RPS6KA2: variants seen among roughly 807,000 people sequenced by gnomAD.
RPS6KA2 encodes ribosomal protein S6 kinase A2.
In RPS6KA2, 42 loss-of-function variants were observed where a neutral mutation model predicts 91.8. The observed-to-expected ratio is 0.46, with a 90% CI of 0.36 to 0.59. RPS6KA2 has a LOEUF of 0.59. Ranked by LOEUF, RPS6KA2 falls within the 20% of genes least tolerant of loss-of-function variation. RPS6KA2 has a pLI of 0.00. For synonymous variants in RPS6KA2, 414 were observed against 393.6 expected, an observed-to-expected ratio of 1.05 and a Z score of -0.61; for missense variants, 798 against 978.5, an observed-to-expected ratio of 0.82 and a Z score of 2.46.
chr6:166,743,788 T>C (rs1012766965), intron 2 of RPS6KA2, among the ~76,000 whole-genome samples: 1 of 151,868 alleles, frequency 6.6e-6, no homozygotes, highest in Non-Finnish European at 1.5e-5. Context: ...CTTTGGCTGG[T>C]GGTCAGTGCA....
At chr6:166,703,032 T>C (rs114048497) in intron 2 of RPS6KA2, among the ~76,000 whole-genome samples, 347 of 152,252 alleles carry the variant, frequency 2.3e-3, no homozygotes, top group African/African-American at 8.0e-3. Context: ...TGTCTAGATA[T>C]GTTTTAAAAG....
At chr6:166,464,369 G>A (rs1780441681) in intron 11 of RPS6KA2, among the ~76,000 whole-genome samples, 1 of 152,156 alleles carries the variant, frequency 6.6e-6, no homozygotes, top group Non-Finnish European at 1.5e-5. Context: ...GCTTGGAAGG[G>A]TTTCAAACTG....
intron 1 of RPS6KA2, among the ~76,000 whole-genome samples, chr6:166,550,646 G>C (rs2128500135): frequency 6.6e-6 from 1 of 152,188 alleles, no homozygotes; most frequent in South Asian, 2.1e-4. Context: ...CTGGGAGGTG[G>C]GTGTCTCTAG....
At chr6:166,589,920 C>T (rs905466953) in intron 1 of RPS6KA2, among the ~76,000 whole-genome samples, 1 of 152,100 alleles carries the variant, frequency 6.6e-6, no homozygotes, top group African/African-American at 2.4e-5. Flanking sequence ...CCCACCAACC[C>T]AACAAATGAG....
intron 2 of RPS6KA2, among the ~76,000 whole-genome samples, chr6:166,753,330 T>C (rs1279708701): frequency 6.6e-6 from 1 of 152,262 alleles, no homozygotes; most frequent in Non-Finnish European, 1.5e-5. Context: ...CATTCTTCAC[T>C]AAACTCCTTA....
chr6:166,807,733 G>A (rs559715281), intron 2 of RPS6KA2, among the ~76,000 whole-genome samples: 30 of 152,120 alleles, frequency 2.0e-4, no homozygotes, highest in South Asian at 4.2e-4. Context: ...GTGTGCTCCC[G>A]TCTCTGCCTG....
chr6:166,611,154 T>A (rs944835860), intron 1 of RPS6KA2, among the ~76,000 whole-genome samples: 2 of 152,242 alleles, frequency 1.3e-5, no homozygotes, highest in Non-Finnish European at 2.9e-5. Context: ...ATTTCTACTA[T>A]GTTTTGAAGC....
chr6:166,500,803 A>G lies in RPS6KA2; in HGVS notation c.604+84T>C, dbSNP rs1359667564. ...TGGCAAAGGGAAGGGCGGTGTAAAT[A>G]AGAGGGCTTGGGCTTTGAGGTGGTC... On this transcript the variant is annotated intron_variant, in intron 7 of 20. Transcript: ENST00000265678. This position sits in a 1 kb window ranked among gnomAD's most constrained non-coding sequence, Gnocchi z 4.3. 1.5e-6 allele frequency: 2 copies of G among 1,292,468 alleles called. No individual in the cohort carries two copies. Among genetic ancestry groups the G allele is most frequent in the African/African-American group, 1.5e-5 (1 of 68,156 alleles). 80.1% of individuals were successfully genotyped at this position (1,292,468 alleles called of 1,614,324 possible).
intron 2 of RPS6KA2, among the ~76,000 whole-genome samples, chr6:166,802,944 G>GTGTATATA (rs1390550668): frequency 3.0e-5 from 4 of 133,772 alleles, no homozygotes; most frequent in African/African-American, 1.1e-4. Context: ...GTGTGTGTGT[G>GTGTATATA]TATATATATA....
At chr6:166,835,569 T>C (rs1780296541) in intron 2 of RPS6KA2, among the ~76,000 whole-genome samples, 1 of 152,144 alleles carries the variant, frequency 6.6e-6, no homozygotes, top group South Asian at 2.1e-4. Context: ...TATAAAGAAA[T>C]AAAAAATTGA....
At position 166,821,249 on chromosome 6, in the gene RPS6KA2, T is replaced by C. The variant is rs1245672823; in HGVS notation, c.123+36951A>G. ...TTTTTAAAATATAGAGGTGATCGGG[T>C]AACACCGAGACAAGGATTTCTCTTT... On this transcript the variant is annotated intron_variant, in intron 2 of 21. Coordinates refer to the RPS6KA2 transcript ENST00000503859. The surrounding 1 kb of genome is among the most constrained non-coding windows in gnomAD (Gnocchi z 4.1). Among the ~76,000 whole-genome samples the C allele has an allele frequency of 6.6e-6, 1 of 152,096 alleles. No individual in the cohort carries two copies. Among genetic ancestry groups the C allele is most frequent in the African/African-American group, 2.4e-5 (1 of 41,402 alleles).
intron 7 of RPS6KA2, among the ~76,000 whole-genome samples, chr6:166,499,642 C>T (rs1781947757): frequency 6.6e-6 from 1 of 152,220 alleles, no homozygotes; most frequent in South Asian, 2.1e-4. Context: ...TTTTCTCCTC[C>T]TTCTCCTTCT....
In RPS6KA2 at chr6:166,849,852, T is replaced by C. The variant is rs1228294361; in HGVS notation, c.123+8348A>G. On this transcript the variant is annotated intron_variant, in intron 2 of 21. Transcript: ENST00000503859. The surrounding 1 kb of genome is among the most constrained non-coding windows in gnomAD (Gnocchi z 4.9). The stretch of plus-strand genomic sequence containing the variant: ...GGTTTTATAGGGTTTGCTCCATCTG[T>C]TCTACATAAGACAGAAGTGAGACAC... 1.3e-5 allele frequency among the ~76,000 whole-genome samples: 2 copies of C among 152,202 alleles called. No homozygotes were observed. The highest frequency in any genetic ancestry group is 2.9e-5 in the Non-Finnish European group (2 of 68,036).
intron 1 of RPS6KA2, among the ~76,000 whole-genome samples, chr6:166,624,304 C>A (rs906756610): frequency 6.6e-6 from 1 of 152,090 alleles, no homozygotes; most frequent in African/African-American, 2.4e-5. Context: ...AAAATGTTTC[C>A]TATTATAAAA....
In RPS6KA2 at chr6:166,490,830, G is replaced by A. The variant is rs1038494563; in HGVS notation, c.748-89C>T. The A allele has an allele frequency of 4.4e-5, 41 of 936,896 alleles. No homozygotes were observed. Among genetic ancestry groups the A allele is most frequent in the African/African-American group, 4.1e-4 (25 of 60,302 alleles). The allele number at this position is 936,896 out of a possible 1,614,324, so 58.0% of individuals were successfully genotyped here. ...TACCCCAGCAGGGCAGCCTGCTACCGTGTCCATTTCCTCATGCAAAATCTC... is the reference window on the plus strand; with the variant it reads ...TACCCCAGCAGGGCAGCCTGCTACCATGTCCATTTCCTCATGCAAAATCTC... On this transcript the variant is annotated intron_variant, in intron 8 of 20. Coordinates refer to ENST00000265678, the MANE Select transcript of RPS6KA2 (RefSeq NM_021135.6). This position sits in a 1 kb window ranked among gnomAD's most constrained non-coding sequence, Gnocchi z 4.2.
chr6:166,672,803 T>C (rs1788507604), intron 2 of RPS6KA2, among the ~76,000 whole-genome samples: 1 of 152,124 alleles, frequency 6.6e-6, no homozygotes, highest in Non-Finnish European at 1.5e-5. Context: ...GGACAGGAAA[T>C]CCTTGCCTCC....
At chr6:166,854,066 G>C (rs1255444542) in intron 2 of RPS6KA2, among the ~76,000 whole-genome samples, 1 of 152,230 alleles carries the variant, frequency 6.6e-6, no homozygotes, top group Non-Finnish European at 1.5e-5. Flanking sequence ...TTCAGAATAT[G>C]AAGGATGCCT....
rs763995723 is a variant in RPS6KA2, at chr6:166,665,924, T to G, written c.124-127140A>C. 5.3e-5 allele frequency among the ~76,000 whole-genome samples: 8 copies of G among 152,192 alleles called. No homozygotes were observed. The highest frequency in any genetic ancestry group is 7.3e-5 in the Non-Finnish European group (5 of 68,030). On this transcript the variant is annotated intron_variant, in intron 2 of 21. Transcript: ENST00000503859. The surrounding 1 kb of genome is among the most constrained non-coding windows in gnomAD (Gnocchi z 4.5). ...GGAAATTCACATGTGAAATCCAGTT[T>G]CTGAGAGGCTCAGGAGCCTTCTTTG...
intron 2 of RPS6KA2, among the ~76,000 whole-genome samples, chr6:166,680,287 TC>T (rs1221365464): frequency 6.6e-6 from 1 of 152,184 alleles, no homozygotes; most frequent in African/African-American, 2.4e-5. Context: ...CAGCACTCTG[TC>T]AAAACTGACC....
Sources: gnomAD v4.1 joint callset for allele counts (sites outside exome capture counted in the v4.1 genomes callset) on GRCh38, gnomAD v4.1.1 for gene constraint, Gnocchi (gnomAD v3.1) non-coding constraint, MANE v1.5 for transcripts, NCBI Gene and HGNC (gene_info 2026-07-23, HGNC 2026-07-21) for gene names.